Variants in ASNS observed in about 807,000 individuals in gnomAD.
ASNS encodes the protein asparagine synthetase (glutamine-hydrolyzing), also known as asparagine synthetase [glutamine-hydrolyzing].
A neutral mutation model predicts 62.6 loss-of-function variants in ASNS; 37 were observed. The observed-to-expected ratio is 0.59, with a 90% confidence interval of 0.45 to 0.78. ASNS has a LOEUF of 0.78. Among genes scored for constraint, ASNS ranks in the 30% least tolerant of loss-of-function variants. The probability of loss-of-function intolerance (pLI) is 0.00; values close to 1 mark genes in which losing one functional copy is unlikely to be tolerated. For synonymous variants in ASNS, 207 were observed against 237.9 expected, an observed-to-expected ratio of 0.87 and a Z score of 1.19; for missense variants, 520 against 682.4, an observed-to-expected ratio of 0.76 and a Z score of 2.65.
chr7:97,892,647 C>G, the ASNS span, among the ~76,000 whole-genome samples: 1 of 152,000 alleles, frequency 6.6e-6, no homozygotes, highest in Non-Finnish European at 1.5e-5. Context: ...CTAAATCTCT[C>G]AAGTTCAAAA....
At chr7:97,857,140 C>CG (rs980442323) in intron 7 of ASNS, among the ~76,000 whole-genome samples, 1 of 152,128 alleles carries the variant, frequency 6.6e-6, no homozygotes, top group Non-Finnish European at 1.5e-5. Context: ...CATGGTCCCA[C>CG]GCTAAGCTTG....
At chr7:97,879,813 T>G in the ASNS span, among the ~76,000 whole-genome samples, 1 of 152,222 alleles carries the variant, frequency 6.6e-6, no homozygotes, top group Non-Finnish European at 1.5e-5. Flanking sequence ...AAGTTTGCAG[T>G]AATATTGTTG....
chr7:97,859,317 A>C lies in ASNS; in HGVS notation c.569T>G (p.Leu190Ter), dbSNP rs1562817048. 1 of 1,614,166 alleles carries C rather than the reference A, an allele frequency of 6.2e-7. No homozygotes were observed. The highest frequency in any genetic ancestry group is 8.5e-7 in the Non-Finnish European group (1 of 1,180,016). ...GGATGCAACTTTGCCATTTGGCTTT[A>C]AATCCAAAACTTCATAGTGTCCAGG... ...FLPGHYEVLD[L>*]KPNGKVASVE... The change falls in exon 5 of 13, where the codon TTA (leucine) becomes TGA (stop). Residue 190 changes from leucine to a stop codon, truncating the protein, a stop_gained. Coordinates refer to ENST00000394308, the MANE Select transcript of ASNS (RefSeq NM_001673.5). LOFTEE classifies it high-confidence loss of function.
the ASNS span, among the ~76,000 whole-genome samples, chr7:97,879,306 T>G: frequency 6.6e-6 from 1 of 152,164 alleles, no homozygotes; most frequent in East Asian, 1.9e-4. Flanking sequence ...GGGATCTAAT[T>G]AAACTCAAGA....
At chr7:97,857,242 C>T (rs1562815190) in intron 7 of ASNS, among the ~76,000 whole-genome samples, 1 of 152,096 alleles carries the variant, frequency 6.6e-6, no homozygotes, top group Non-Finnish European at 1.5e-5. Flanking sequence ...CTTTCCTTGG[C>T]TATTTTGGAT....
the ASNS span, among the ~76,000 whole-genome samples, chr7:97,915,181 C>T: frequency 6.6e-6 from 1 of 152,200 alleles, no homozygotes; most frequent in Non-Finnish European, 1.5e-5. Context: ...AAGCATGGTC[C>T]TGACACCACC....
At chr7:97,866,321 G>A (rs1314658743) in intron 3 of ASNS, among the ~76,000 whole-genome samples, 2 of 152,186 alleles carry the variant, frequency 1.3e-5, no homozygotes, top group African/African-American at 2.4e-5. Context: ...CCCCAGGGGT[G>A]GATGACAATG....
the ASNS span, among the ~76,000 whole-genome samples, chr7:97,914,265 C>G: frequency 2.4e-4 from 37 of 151,844 alleles, 1 homozygote; most frequent in African/African-American, 8.0e-4. Flanking sequence ...TTTTCAGGGT[C>G]CTCCAAAGAA....
intron 4 of ASNS, chr7:97,863,674 TCAAACAAA>T (rs940269572): frequency 6.6e-6 from 1 of 152,614 alleles, no homozygotes; most frequent in Non-Finnish European, 1.5e-5. Context: ...CCCCATCTCT[TCAAACAAA>T]CAAACAAACA....
chr7:97,898,093 A>C, the ASNS span, among the ~76,000 whole-genome samples: 1 of 151,618 alleles, frequency 6.6e-6, no homozygotes, highest in African/African-American at 2.4e-5. Flanking sequence ...AAGCGCGGAT[A>C]CTTTTTTTTT....
At position 97,864,481 on chromosome 7, in the gene ASNS, C is replaced by G. The variant is rs1167279681; in HGVS notation, c.265G>C (p.Glu89Gln). 1 of 1,613,700 alleles carries G rather than the reference C, an allele frequency of 6.2e-7. No individual in the cohort carries two copies. The highest frequency in any genetic ancestry group is 8.5e-7 in the Non-Finnish European group (1 of 1,179,722). The part of the protein sequence containing the change: ...YNHKKMQQHF[E>Q]FEYQTKVDGE... Reference sequence around the variant, plus strand: ...TCCACTTTGGTCTGGTATTCAAATTCAAAATGCTGTTGCATCTTAGGAAGC... The same window carrying G: ...TCCACTTTGGTCTGGTATTCAAATTGAAAATGCTGTTGCATCTTAGGAAGC... The change falls in exon 4 of 13, where the codon GAA becomes CAA. Residue 89 changes from glutamate (E) to glutamine (Q), a missense_variant. Physicochemically the swap from Glu to Gln is conservative, Grantham distance 29. Transcript: ENST00000394308.
the ASNS span, among the ~76,000 whole-genome samples, chr7:97,923,095 A>G: frequency 2.0e-5 from 3 of 152,120 alleles, no homozygotes; most frequent in Non-Finnish European, 4.4e-5. Context: ...TGGACAGAAT[A>G]TAAAAGATTG....
intron 1 of ASNS, chr7:97,870,029 C>G: frequency 4.2e-6 from 1 of 239,984 alleles, no homozygotes; most frequent in Non-Finnish European, 8.0e-6. Context: ...TAATAAAAAA[C>G]TTAGCTCATC....
the ASNS span, among the ~76,000 whole-genome samples, chr7:97,916,920 G>C: frequency 2.6e-5 from 4 of 152,194 alleles, no homozygotes; most frequent in East Asian, 7.7e-4. Flanking sequence ...GGAGCACACA[G>C]GTGCTGGACA....
chr7:97,921,260 C>G, the ASNS span, among the ~76,000 whole-genome samples: 74 of 152,312 alleles, frequency 4.9e-4, no homozygotes, highest in East Asian at 0.013. Flanking sequence ...ACAAAGTACT[C>G]TTAATCTAAG....
chr7:97,852,470 T>C lies in ASNS; in HGVS notation c.1477-2A>G. 1 of 1,614,044 alleles carries C rather than the reference T, an allele frequency of 6.2e-7. No individual in the cohort carries two copies. The highest frequency in any genetic ancestry group is 8.5e-7 in the Non-Finnish European group (1 of 1,179,922). On this transcript the variant is annotated splice_acceptor_variant, in intron 12 of 12. Transcript: ENST00000394308. LOFTEE classifies it high-confidence loss of function. ...ATTTGCCATCATTGCATCATCAACC[T>C]GTAAGAATAAGCATATAAGAGCAAA... is the stretch of plus-strand genomic sequence containing the variant.
chr7:97,863,099 T>C (rs745438863), intron 4 of ASNS: 4 of 152,216 alleles, frequency 2.6e-5, no homozygotes, highest in Non-Finnish European at 4.4e-5. Flanking sequence ...CAACTGAACA[T>C]AGTTATCATG....
the ASNS span, among the ~76,000 whole-genome samples, chr7:97,890,857 C>A: frequency 6.6e-6 from 1 of 152,238 alleles, no homozygotes; most frequent in African/African-American, 2.4e-5. Flanking sequence ...TTAAGGGAGT[C>A]CTACATTGGG....
At chr7:97,898,125 C>T in the ASNS span, among the ~76,000 whole-genome samples, 7 of 151,880 alleles carry the variant, frequency 4.6e-5, no homozygotes, top group African/African-American at 1.7e-4. Flanking sequence ...GAGAGAGTCT[C>T]ACTCTGTTGC....
Sources: gnomAD v4.1 joint callset for allele counts (sites outside exome capture counted in the v4.1 genomes callset) on GRCh38, gnomAD v4.1.1 for gene constraint, MANE v1.5 for transcripts, NCBI Gene and HGNC (gene_info 2026-07-23, HGNC 2026-07-21) for gene names.